Variants in CFAP61 observed in about 807,000 individuals in gnomAD.
The protein encoded by CFAP61 is cilia- and flagella-associated protein 61.
Under a neutral mutation model 135.6 loss-of-function variants are expected in CFAP61, and 107 were observed. That is an observed-to-expected ratio of 0.79 (90% CI 0.67 to 0.93). The LOEUF (loss-of-function observed/expected upper bound fraction) is 0.93, where lower values mean the gene tolerates loss of function less well. Ranked by LOEUF, CFAP61 falls within the 40% of genes least tolerant of loss-of-function variation. CFAP61 has a pLI of 0.00. For missense variants in CFAP61, 1,507 were observed against 1,556.2 expected (o/e 0.97, Z 0.53); for synonymous variants, 575 against 578.5 (o/e 0.99, Z 0.09).
At chr20:20,206,796 C>T (rs1353392021) in intron 17 of CFAP61, among the ~76,000 whole-genome samples, 1 of 151,704 alleles carries the variant, frequency 6.6e-6, no homozygotes, top group African/African-American at 2.4e-5. Context: ...GTGTCTATAC[C>T]TACAAGTGGG....
chr20:20,065,822 C>T (rs1049114934), intron 2 of CFAP61, among the ~76,000 whole-genome samples: 11 of 151,950 alleles, frequency 7.2e-5, no homozygotes, highest in African/African-American at 2.2e-4. Context: ...CAGTGGCGAT[C>T]GGGGGGACAG....
intron 13 of CFAP61, among the ~76,000 whole-genome samples, chr20:20,174,778 G>A (rs1430680146): frequency 6.6e-6 from 1 of 151,872 alleles, no homozygotes; most frequent in Admixed American, 6.6e-5. Flanking sequence ...AAAAATGAGT[G>A]TGCTAACAAA....
intron 8 of CFAP61, among the ~76,000 whole-genome samples, chr20:20,116,334 T>C (rs1303645934): frequency 3.3e-5 from 5 of 152,314 alleles, no homozygotes. Context: ...TATTAAACCC[T>C]TGTCAGATGG....
intron 25 of CFAP61, among the ~76,000 whole-genome samples, chr20:20,306,579 G>T (rs1015496874): frequency 6.6e-6 from 1 of 152,162 alleles, no homozygotes; most frequent in Non-Finnish European, 1.5e-5. Context: ...TAATGAGAAT[G>T]TAAGAAATGA....
chr20:20,205,659 G>A (rs796311101), intron 17 of CFAP61, among the ~76,000 whole-genome samples: 10 of 152,290 alleles, frequency 6.6e-5, no homozygotes, highest in African/African-American at 2.4e-4. Context: ...GGTTTGATCT[G>A]GTACCAGCCT....
intron 16 of CFAP61, among the ~76,000 whole-genome samples, chr20:20,198,692 C>T (rs1443968740): frequency 1.3e-5 from 2 of 152,122 alleles, no homozygotes; most frequent in African/African-American, 4.8e-5. Flanking sequence ...AGAGCTCTTC[C>T]AGGCATAAAA....
At chr20:20,293,143 G>T (rs1277964516) in intron 24 of CFAP61, among the ~76,000 whole-genome samples, 1 of 152,220 alleles carries the variant, frequency 6.6e-6, no homozygotes, top group Admixed American at 6.5e-5. Flanking sequence ...AGAACATATT[G>T]GACTTGGTTT....
intron 19 of CFAP61, among the ~76,000 whole-genome samples, chr20:20,247,680 C>T (rs777875413): frequency 3.4e-4 from 52 of 152,202 alleles, no homozygotes; most frequent in Non-Finnish European, 7.1e-4. Flanking sequence ...GATGCTCCAG[C>T]CTAAACTCTG....
intron 25 of CFAP61, among the ~76,000 whole-genome samples, chr20:20,340,857 G>A (rs1051142945): frequency 6.6e-6 from 1 of 152,174 alleles, no homozygotes; most frequent in African/African-American, 2.4e-5. Context: ...GATCCAGCGA[G>A]TGGGCGTGGG....
intron 6 of CFAP61, 151 bp from the exon 7 acceptor site, chr20:20,090,693 A>T: frequency 5.7e-5 from 2 of 35,056 alleles, no homozygotes; most frequent in South Asian, 1.5e-3. Context: ...CCTCTCAAAA[A>T]AAAAAAAAAA....
At chr20:20,190,777 A>G (rs749583701) in intron 14 of CFAP61, among the ~76,000 whole-genome samples, 78 of 152,326 alleles carry the variant, frequency 5.1e-4, no homozygotes, top group Admixed American at 1.6e-3. Flanking sequence ...AGCCAGTTTC[A>G]CTAAGGAATA....
intron 14 of CFAP61, among the ~76,000 whole-genome samples, chr20:20,189,458 C>T (rs537923794): frequency 5.7e-5 from 7 of 123,072 alleles, no homozygotes; most frequent in South Asian, 2.3e-4. Flanking sequence ...TCTGTACTTA[C>T]GACGCATAAG....
In CFAP61 at chr20:20,277,295, A is replaced by G; in HGVS notation, c.2633A>G (p.Asn878Ser). Residue 878 changes from asparagine to serine, a missense_variant, in exon 22 of 27, where the codon AAC becomes AGC. Asn to Ser is a conservative substitution (Grantham distance 46). Transcript: ENST00000245957. Reference protein sequence around the residue: ...PPPASTITCINNYSVESAVAD... With the variant: ...PPPASTITCISNYSVESAVAD... ...CCCGCCTCCACCATCACCTGCATCA[A>G]CAACTACTCGGTGGAGAGCGCCGTG... 1 of 1,614,158 alleles carries G rather than the reference A, an allele frequency of 6.2e-7. No individual in the cohort carries two copies. Among genetic ancestry groups the G allele is most frequent in the Non-Finnish European group, 8.5e-7 (1 of 1,180,022 alleles).
In CFAP61 at chr20:20,104,022, A is replaced by T. The variant is rs527289076; in HGVS notation, c.859+5208A>T. Among the ~76,000 whole-genome samples the T allele has an allele frequency of 1.2e-4, 19 of 152,346 alleles. 1 individual carries two copies. In the South Asian group the frequency reaches 3.9e-3, roughly 32 times the overall value. On this transcript the variant is annotated intron_variant, in intron 8 of 26. Transcript: ENST00000245957. ...AAGGTTCCGATTTGTAAATCTCATTATATACCCAGGGCCCACCTTACAAAG... is the reference window on the plus strand; with the variant it reads ...AAGGTTCCGATTTGTAAATCTCATTTTATACCCAGGGCCCACCTTACAAAG...
chr20:20,320,485 A>ATTATATATATT lies in CFAP61; in HGVS notation c.3423-21346_3423-21345insTTATATATATT, dbSNP rs1449523180. ...GTAATATATAATATATGTAATATAT[A>ATTATATATATT]ATATATGTAATATATATTATATATG... On this transcript the variant is annotated intron_variant, in intron 25 of 26. Transcript: ENST00000245957. 1.9e-4 allele frequency among the ~76,000 whole-genome samples: 11 copies of ATTATATATATT among 57,864 alleles called. 4 individuals are homozygous for ATTATATATATT. Among genetic ancestry groups the ATTATATATATT allele is most frequent in the African/African-American group, 6.6e-4 (5 of 7,590 alleles). The allele number at this position is 57,864 out of a possible 152,430, so 38.0% of individuals were successfully genotyped here.
chr20:20,286,430 A>G (rs145379622), intron 22 of CFAP61, among the ~76,000 whole-genome samples: 154 of 152,358 alleles, frequency 1.0e-3, no homozygotes, highest in African/African-American at 3.6e-3. Context: ...GAGACCTTGC[A>G]CAGTGCCTGG....
chr20:20,198,710 G>T (rs1439854357), intron 16 of CFAP61, among the ~76,000 whole-genome samples: 2 of 152,212 alleles, frequency 1.3e-5, no homozygotes, highest in East Asian at 3.8e-4. Context: ...AAAACAGGGT[G>T]CTGGCTAGGG....
chr20:20,310,841 G>C (rs1366403359), intron 25 of CFAP61, among the ~76,000 whole-genome samples: 1 of 152,202 alleles, frequency 6.6e-6, no homozygotes, highest in Non-Finnish European at 1.5e-5. Context: ...AGCCAGGCTT[G>C]CCAGCAAAAG....
chr20:20,118,781 A>C (rs2049379462), intron 8 of CFAP61, among the ~76,000 whole-genome samples: 2 of 152,056 alleles, frequency 1.3e-5, no homozygotes, highest in Admixed American at 1.3e-4. Context: ...GGGATGTATC[A>C]CATTTATTGA....
Sources: allele counts gnomAD v4.1 joint callset (sites outside exome capture counted in the v4.1 genomes callset), GRCh38; gene constraint gnomAD v4.1.1; transcripts MANE v1.5; gene names NCBI Gene and HGNC (gene_info 2026-07-23, HGNC 2026-07-21).